CLASP1: variants seen among roughly 807,000 people sequenced by gnomAD.
The protein encoded by CLASP1 is cytoplasmic linker associated protein 1.
CLASP1 carries 38 observed loss-of-function variants against 192.3 expected under a neutral mutation model. The ratio of observed to expected loss-of-function variants is 0.20; its 90% confidence interval spans 0.15 to 0.26. The LOEUF (loss-of-function observed/expected upper bound fraction) is 0.26. Among genes scored for constraint, CLASP1 ranks in the 10% least tolerant of loss-of-function variants. The pLI, the probability that CLASP1 is intolerant of heterozygous loss-of-function variation, is 1.00. For synonymous variants in CLASP1, 691 were observed against 712.8 expected, an observed-to-expected ratio of 0.97 and a Z score of 0.49; for missense variants, 1,433 against 1,932.5, an observed-to-expected ratio of 0.74 and a Z score of 4.85.
At chr2:121,605,885 C>T (rs116427811) in exon 2 of CLASP1, 13 of 1,613,696 alleles carry the variant, frequency 8.1e-6, no homozygotes, top group South Asian at 2.2e-5. Context: ...GGACTCCATG[C>T]GAGGCTCCAT....
intron 2 of CLASP1, among the ~76,000 whole-genome samples, chr2:121,586,935 G>C (rs900729124): frequency 6.6e-6 from 1 of 152,166 alleles, no homozygotes; most frequent in Non-Finnish European, 1.5e-5. Flanking sequence ...AGGGAAGAAA[G>C]ATGTGGTCTT....
chr2:121,380,752 T>A (rs2071440575), intron 33 of CLASP1, among the ~76,000 whole-genome samples: 1 of 152,120 alleles, frequency 6.6e-6, no homozygotes, highest in Non-Finnish European at 1.5e-5. Context: ...AACTGATAGG[T>A]TTTCTAAATG....
At chr2:121,378,946 TCTTC>T (rs1425136610) in intron 33 of CLASP1, among the ~76,000 whole-genome samples, 3 of 149,450 alleles carry the variant, frequency 2.0e-5, no homozygotes, top group African/African-American at 5.0e-5. Context: ...TAGTAAATAC[TCTTC>T]CTTAAGTATT....
chr2:121,347,103 C>A, exon 39 of CLASP1: 1 of 1,588,210 alleles, frequency 6.3e-7, no homozygotes, highest in Non-Finnish European at 8.6e-7. Flanking sequence ...TAAATTGCCA[C>A]TAAGCAAAAC....
chr2:121,454,760 G>A (rs1031218142), intron 14 of CLASP1, among the ~76,000 whole-genome samples: 2 of 152,150 alleles, frequency 1.3e-5, no homozygotes, highest in African/African-American at 4.8e-5. Flanking sequence ...AAAGATCCGT[G>A]TCATCTTATC....
At chr2:121,390,963 C>T (rs2074238243) in intron 30 of CLASP1, among the ~76,000 whole-genome samples, 1 of 152,026 alleles carries the variant, frequency 6.6e-6, no homozygotes, top group Non-Finnish European at 1.5e-5. Context: ...GGACTACAGG[C>T]GTGTGCCACT....
intron 2 of CLASP1, among the ~76,000 whole-genome samples, chr2:121,548,523 C>T (rs979833663): frequency 6.6e-6 from 1 of 152,100 alleles, no homozygotes; most frequent in Non-Finnish European, 1.5e-5. Flanking sequence ...ACCAACCCTG[C>T]TAGAGAAGCC....
At chr2:121,629,939 G>C (rs2069175244) in intron 1 of CLASP1, among the ~76,000 whole-genome samples, 1 of 151,554 alleles carries the variant, frequency 6.6e-6, no homozygotes, top group African/African-American at 2.4e-5. Flanking sequence ...TTTTTTTATT[G>C]AGATGGAGTC....
At chr2:121,349,122 C>A (rs1325590275) in intron 37 of CLASP1, among the ~76,000 whole-genome samples, 1 of 152,064 alleles carries the variant, frequency 6.6e-6, no homozygotes, top group Non-Finnish European at 1.5e-5. Flanking sequence ...CACCTGTAGT[C>A]CCAGCTACTC....
intron 2 of CLASP1, among the ~76,000 whole-genome samples, chr2:121,572,098 G>GA (rs2060027959): frequency 6.6e-6 from 1 of 152,024 alleles, no homozygotes; most frequent in South Asian, 2.1e-4. Flanking sequence ...AGAATTAGAA[G>GA]AAAAAAAGGC....
At chr2:121,601,591 A>G (rs562382116) in intron 2 of CLASP1, among the ~76,000 whole-genome samples, 1 of 152,148 alleles carries the variant, frequency 6.6e-6, no homozygotes, top group Non-Finnish European at 1.5e-5. Context: ...TTTAAGAACT[A>G]GAACAGTACA....
At chr2:121,413,027 G>C (rs1377361637) in intron 23 of CLASP1, among the ~76,000 whole-genome samples, 1 of 152,196 alleles carries the variant, frequency 6.6e-6, no homozygotes, top group Non-Finnish European at 1.5e-5. Context: ...GGAGGCCAAG[G>C]TGGGTAAATC....
At chr2:121,554,547 G>A (rs1039798752) in intron 2 of CLASP1, among the ~76,000 whole-genome samples, 7 of 151,968 alleles carry the variant, frequency 4.6e-5, no homozygotes, top group South Asian at 2.1e-4. Context: ...GGAGGATGGC[G>A]TGGGCCCAGG....
chr2:121,639,713 A>G (rs2071645235), intron 1 of CLASP1, among the ~76,000 whole-genome samples: 1 of 151,920 alleles, frequency 6.6e-6, no homozygotes, highest in African/African-American at 2.4e-5. Flanking sequence ...AAAATACAAA[A>G]TTAGCCAGGC....
At chr2:121,524,648 G>A (rs546673945) in intron 6 of CLASP1, among the ~76,000 whole-genome samples, 2 of 151,890 alleles carry the variant, frequency 1.3e-5, no homozygotes, top group Admixed American at 6.6e-5. Context: ...GTAGAGATGG[G>A]GTTTCACCAT....
At chr2:121,574,477 A>C (rs6707424) in intron 2 of CLASP1, among the ~76,000 whole-genome samples, 179 of 151,932 alleles carry the variant, frequency 1.2e-3, no homozygotes, top group African/African-American at 4.2e-3. Context: ...TCCACTAAAA[A>C]TACAAAAATT....
At chr2:121,566,835 A>G (rs1417519308) in intron 2 of CLASP1, among the ~76,000 whole-genome samples, 1 of 152,160 alleles carries the variant, frequency 6.6e-6, no homozygotes, top group African/African-American at 2.4e-5. Context: ...AGACACCACC[A>G]TAATTTTTTT....
intron 7 of CLASP1, chr2:121,512,935 T>C (rs966997216): frequency 2.6e-5 from 4 of 152,230 alleles, no homozygotes; most frequent in African/African-American, 4.8e-5. Flanking sequence ...TTTTACAATA[T>C]TGTAATAGTC....
At chr2:121,533,524 C>T (rs2094954385) in intron 2 of CLASP1, among the ~76,000 whole-genome samples, 1 of 151,644 alleles carries the variant, frequency 6.6e-6, no homozygotes, top group African/African-American at 2.4e-5. Flanking sequence ...TTTTTTTTTC[C>T]CCCTATTTCT....
Sources: gnomAD v4.1 joint callset for allele counts (sites outside exome capture counted in the v4.1 genomes callset) on GRCh38, gnomAD v4.1.1 for gene constraint, MANE v1.5 for transcripts, NCBI Gene and HGNC (gene_info 2026-07-23, HGNC 2026-07-21) for gene names.